Variants in GRID2 observed in about 807,000 individuals in gnomAD.
GRID2 encodes glutamate receptor ionotropic, delta-2.
GRID2 carries 33 observed loss-of-function variants against 114.8 expected under a neutral mutation model. That is an observed-to-expected ratio of 0.29 (90% CI 0.22 to 0.38). The LOEUF (loss-of-function observed/expected upper bound fraction) is 0.38. GRID2 is among the 10% of genes least tolerant of loss of function. GRID2 has a pLI of 1.00. For synonymous variants in GRID2, 505 were observed against 449.9 expected (o/e 1.12, Z -1.55); for missense variants, 1,184 against 1,257.7 (o/e 0.94, Z 0.89).
At chr4:92,641,713 T>A (rs1338925031) in intron 2 of GRID2, among the ~76,000 whole-genome samples, 1 of 151,598 alleles carries the variant, frequency 6.6e-6, no homozygotes, top group African/African-American at 2.4e-5. Context: ...ATGTGCAGGT[T>A]TTTTACATGG....
chr4:92,407,843 A>G (rs1378517238), intron 1 of GRID2, among the ~76,000 whole-genome samples: 1 of 152,128 alleles, frequency 6.6e-6, no homozygotes, highest in Non-Finnish European at 1.5e-5. Flanking sequence ...GATCTTTGTC[A>G]GCTGAATAAC....
At chr4:93,707,070 A>G (rs1728065752) in intron 14 of GRID2, among the ~76,000 whole-genome samples, 1 of 151,980 alleles carries the variant, frequency 6.6e-6, no homozygotes, top group South Asian at 2.1e-4. Flanking sequence ...GGTCATGATG[A>G]ATCATCTTTT....
intron 1 of GRID2, among the ~76,000 whole-genome samples, chr4:92,541,447 A>T (rs1467920186): frequency 6.6e-6 from 1 of 151,674 alleles, no homozygotes; most frequent in African/African-American, 2.4e-5. Flanking sequence ...GCTTCATGGA[A>T]TGTGAAAAAA....
chr4:93,391,437 A>C (rs1046180153), intron 8 of GRID2, among the ~76,000 whole-genome samples: 1 of 152,134 alleles, frequency 6.6e-6, no homozygotes, highest in African/African-American at 2.4e-5. Context: ...TAAACAAAAC[A>C]TTGTGGCTGG....
At chr4:93,066,934 A>G (rs1446939988) in intron 2 of GRID2, among the ~76,000 whole-genome samples, 2 of 152,002 alleles carry the variant, frequency 1.3e-5, no homozygotes, top group Non-Finnish European at 2.9e-5. Flanking sequence ...GGTAGGTAGC[A>G]TGTACAGTGT....
At chr4:93,612,880 T>C (rs1310483506) in intron 13 of GRID2, among the ~76,000 whole-genome samples, 1 of 144,172 alleles carries the variant, frequency 6.9e-6, no homozygotes, top group African/African-American at 2.5e-5. Context: ...TTGGGGAAGT[T>C]CTCCAGGATA....
chr4:92,667,404 A>G (rs1732841288), intron 2 of GRID2, among the ~76,000 whole-genome samples: 1 of 151,694 alleles, frequency 6.6e-6, no homozygotes, highest in African/African-American at 2.4e-5. Context: ...CATGAGTCCC[A>G]TAATATAAAA....
chr4:93,788,071 C>A (rs552056730), intron 1 of GRID2, among the ~76,000 whole-genome samples: 1 of 152,236 alleles, frequency 6.6e-6, no homozygotes, highest in Admixed American at 6.5e-5. Context: ...AATCCCAGCA[C>A]TTTAGGAGGC....
chr4:92,770,289 A>G (rs1402680749), intron 2 of GRID2, among the ~76,000 whole-genome samples: 1 of 152,164 alleles, frequency 6.6e-6, no homozygotes, highest in East Asian at 1.9e-4. Flanking sequence ...CCTGGATCTT[A>G]TTGTTCATAT....
chr4:93,289,955 A>G (rs1032542332), intron 8 of GRID2, among the ~76,000 whole-genome samples: 5 of 152,216 alleles, frequency 3.3e-5, no homozygotes, highest in African/African-American at 9.6e-5. Flanking sequence ...ATGGTTTGAC[A>G]TCACTCTTTC....
intron 8 of GRID2, among the ~76,000 whole-genome samples, chr4:93,247,966 G>A (rs1257425128): frequency 6.6e-6 from 1 of 152,000 alleles, no homozygotes; most frequent in Admixed American, 6.6e-5. Flanking sequence ...GATTAGTTGG[G>A]TTAGGAGTTC....
intron 2 of GRID2, among the ~76,000 whole-genome samples, chr4:92,593,295 A>G (rs1728792750): frequency 6.6e-6 from 1 of 151,968 alleles, no homozygotes; most frequent in Non-Finnish European, 1.5e-5. Context: ...TGAAATCCTC[A>G]ATTTATTTTA....
At chr4:93,129,816 A>AG (rs11394074) in intron 4 of GRID2, among the ~76,000 whole-genome samples, 82,290 of 151,886 alleles carry the variant, frequency 0.54, 23,725 homozygotes, top group African/African-American at 0.72. Context: ...TTAGACCTTA[A>AG]ATTAGAACTT....
chr4:92,918,257 A>G lies in GRID2; in HGVS notation c.245-166738A>G, dbSNP rs149423006. Among the ~76,000 whole-genome samples, 1,170 of 152,298 alleles carry G rather than the reference A, an allele frequency of 7.7e-3. 18 individuals are homozygous for G. The highest frequency in any genetic ancestry group is 0.027 in the African/African-American group (1,108 of 41,574). ...CAGCTTAAGGATATATTGGGCTGAG[A>G]CGATGGGATTTTCTAGATATACAAT... On this transcript the variant is annotated intron_variant, in intron 2 of 15. Coordinates refer to ENST00000282020, the MANE Select transcript of GRID2 (RefSeq NM_001510.4).
intron 10 of GRID2, among the ~76,000 whole-genome samples, chr4:93,438,524 G>A (rs1721319083): frequency 6.6e-6 from 1 of 152,008 alleles, no homozygotes; most frequent in Non-Finnish European, 1.5e-5. Flanking sequence ...AAGAAAGATA[G>A]CTGAGGTAGG....
intron 2 of GRID2, among the ~76,000 whole-genome samples, chr4:92,865,037 T>C (rs922339482): frequency 1.3e-5 from 2 of 152,208 alleles, no homozygotes; most frequent in African/African-American, 4.8e-5. Context: ...AACTTGTCTT[T>C]GTATTAAATC....
intron 1 of GRID2, among the ~76,000 whole-genome samples, chr4:93,793,253 G>C (rs758454997): frequency 1.3e-5 from 2 of 152,150 alleles, no homozygotes; most frequent in African/African-American, 2.4e-5. Flanking sequence ...CAAAAGCTGT[G>C]TAAGAAAATG....
chr4:92,809,042 A>G lies in GRID2; in HGVS notation c.244+218756A>G, dbSNP rs919675769. On this transcript the variant is annotated intron_variant, in intron 2 of 15. Transcript: ENST00000282020. ...ATTTTCACATAGTATAATTGCGGAA[A>G]TAGGTCCATGATTTGAGCAAGAAAA... 3.6e-4 allele frequency among the ~76,000 whole-genome samples: 54 copies of G among 151,980 alleles called. 1 individual carries two copies. Among genetic ancestry groups the G allele is most frequent in the Non-Finnish European group, 2.1e-4 (14 of 67,950 alleles).
At chr4:92,942,701 C>A (rs889215299) in intron 2 of GRID2, among the ~76,000 whole-genome samples, 1 of 152,162 alleles carries the variant, frequency 6.6e-6, no homozygotes, top group African/African-American at 2.4e-5. Context: ...TTTGCAGTGG[C>A]TGGTACCGGT....
Sources: allele counts gnomAD v4.1 joint callset (sites outside exome capture counted in the v4.1 genomes callset), GRCh38; gene constraint gnomAD v4.1.1; transcripts MANE v1.5; gene names NCBI Gene and HGNC (gene_info 2026-07-23, HGNC 2026-07-21).